The following PHACTR2 variants were observed in gnomAD, a reference collection of about 807,000 sequenced individuals.
PHACTR2 encodes the protein chromosome 6 open reading frame 56.
Under a neutral mutation model 76.0 loss-of-function variants are expected in PHACTR2, and 30 were observed. The ratio of observed to expected loss-of-function variants is 0.39; its 90% CI spans 0.30 to 0.54. The LOEUF is 0.54. PHACTR2 is among the 20% of genes least tolerant of loss of function. The pLI, the probability that PHACTR2 is intolerant of heterozygous loss-of-function variation, is 0.61. For missense variants in PHACTR2, 696 were observed against 781.1 expected (o/e 0.89, Z 1.30); for synonymous variants, 292 against 292.5 (o/e 1.00, Z 0.02).
intron 2 of PHACTR2, among the ~76,000 whole-genome samples, chr6:143,725,121 C>T (rs112029521): frequency 6.5e-4 from 97 of 149,936 alleles, no homozygotes; most frequent in African/African-American, 1.3e-3. Flanking sequence ...TTTTAATATA[C>T]GTATAGTTTT....
chr6:143,608,304 T>C lies in PHACTR2; in HGVS notation c.-6T>C. ...GCTACAGAACTCGCCTCGCCACTCCTGAGACATGGACAACGCCGGTGGGTA... is the reference window on the plus strand; with the variant it reads ...GCTACAGAACTCGCCTCGCCACTCCCGAGACATGGACAACGCCGGTGGGTA... On this transcript the variant is annotated 5_prime_UTR_variant, in exon 1 of 12. Coordinates refer to the PHACTR2 transcript ENST00000305766. The surrounding 1 kb of genome is among the most constrained non-coding windows in gnomAD (Gnocchi z 4.6). 1 of 1,614,150 alleles carries C rather than the reference T, an allele frequency of 6.2e-7. No individual in the cohort carries two copies. Among genetic ancestry groups the C allele is most frequent in the Non-Finnish European group, 8.5e-7 (1 of 1,179,996 alleles).
chr6:143,769,695 ATAAT>A (rs1775044507), intron 6 of PHACTR2, among the ~76,000 whole-genome samples: 1 of 152,310 alleles, frequency 6.6e-6, no homozygotes, highest in Non-Finnish European at 1.5e-5. Context: ...AATCAATATG[ATAAT>A]TAATTAGTGA....
At chr6:143,635,964 T>C (rs1421405683) in intron 1 of PHACTR2, among the ~76,000 whole-genome samples, 1 of 152,198 alleles carries the variant, frequency 6.6e-6, no homozygotes, top group Non-Finnish European at 1.5e-5. Flanking sequence ...TTCCAGCACT[T>C]TGAGAGGCCG....
In PHACTR2 at chr6:143,772,205, C is replaced by A; in HGVS notation, c.1233-53C>A. 1 of 1,340,150 alleles carries A rather than the reference C, an allele frequency of 7.5e-7. No homozygotes were observed. The highest frequency in any genetic ancestry group is 1.1e-6 in the Non-Finnish European group (1 of 931,602). The allele number at this position is 1,340,150 out of a possible 1,614,324, so 83.0% of individuals were successfully genotyped here. A position where few individuals can be genotyped will look rare whatever the true frequency, so the allele number is the denominator to read the frequency against. ...GCTCTTTTTCTTAGTGTCAGTGCCG[C>A]CAAGGGTTGCTCTGAGCTTCACATC... On this transcript the variant is annotated intron_variant, in intron 6 of 12. Coordinates refer to ENST00000440869, the MANE Select transcript of PHACTR2 (RefSeq NM_001100164.2). The surrounding 1 kb of genome is among the most constrained non-coding windows in gnomAD (Gnocchi z 5.4).
In PHACTR2 at chr6:143,648,246, G is replaced by A. The variant is rs947498408; in HGVS notation, c.13+39924G>A. On this transcript the variant is annotated intron_variant, in intron 1 of 11. Coordinates refer to the PHACTR2 transcript ENST00000305766. This position sits in a 1 kb window ranked among gnomAD's most constrained non-coding sequence, Gnocchi z 6.7. ...TGTCTACTGCAAATTGTCTGAGAAG[G>A]GCAGGGCCTAGGAAACATGGTGGAA... 6.6e-6 allele frequency among the ~76,000 whole-genome samples: 1 copy of A among 152,158 alleles called. No individual in the cohort carries two copies. Among genetic ancestry groups the A allele is most frequent in the Non-Finnish European group, 1.5e-5 (1 of 68,038 alleles).
intron 1 of PHACTR2, among the ~76,000 whole-genome samples, chr6:143,545,210 G>T (rs1044153721): frequency 6.6e-6 from 1 of 152,306 alleles, no homozygotes; most frequent in South Asian, 2.1e-4. Context: ...CTCCCAAAGT[G>T]CTGGGATTAC....
Position 143,780,102 on chromosome 6 carries a change from T to C in PHACTR2, c.1645+2719T>C, listed in dbSNP as rs956302982. Among the ~76,000 whole-genome samples the C allele has an allele frequency of 9.9e-5, 15 of 152,140 alleles. No homozygotes were observed. Among genetic ancestry groups the C allele is most frequent in the Admixed American group, 5.9e-4 (9 of 15,272 alleles). ...ATGTCTTCTATAGAGAAAAATGAAT[T>C]AGGCCATTGAGTTCTGCATATATTT... On this transcript the variant is annotated intron_variant, in intron 9 of 12. Coordinates refer to ENST00000440869, the MANE Select transcript of PHACTR2 (RefSeq NM_001100164.2). The surrounding 1 kb of genome is among the most constrained non-coding windows in gnomAD (Gnocchi z 4.4).
At chr6:143,792,516 A>G (rs1162843070) in intron 11 of PHACTR2, among the ~76,000 whole-genome samples, 3 of 152,096 alleles carry the variant, frequency 2.0e-5, no homozygotes, top group Non-Finnish European at 2.9e-5. Flanking sequence ...CCCAAAACTT[A>G]GTGATTGAAA....
chr6:143,783,978 G>C lies in PHACTR2; in HGVS notation c.1707+698G>C, dbSNP rs954964601. ...AAGACCAGCCTGGACAACATAGTGAGACCTTGTTTCAAAAAAAAAGAATTA... is the reference window on the plus strand; with the variant it reads ...AAGACCAGCCTGGACAACATAGTGACACCTTGTTTCAAAAAAAAAGAATTA... On this transcript the variant is annotated intron_variant, in intron 10 of 12. Coordinates refer to ENST00000440869, the MANE Select transcript of PHACTR2 (RefSeq NM_001100164.2). This position sits in a 1 kb window ranked among gnomAD's most constrained non-coding sequence, Gnocchi z 5.2. Among the ~76,000 whole-genome samples, 4 of 148,734 alleles carry C rather than the reference G, an allele frequency of 2.7e-5. No homozygotes were observed. Among genetic ancestry groups the C allele is most frequent in the Non-Finnish European group, 5.9e-5 (4 of 67,648 alleles).
rs1777603827 is a variant in PHACTR2 at position 143,689,962 on chromosome 6, G to C, written c.46+11753G>C. On this transcript the variant is annotated intron_variant, in intron 1 of 12. Coordinates refer to ENST00000440869, the MANE Select transcript of PHACTR2 (RefSeq NM_001100164.2). This position sits in a 1 kb window ranked among gnomAD's most constrained non-coding sequence, Gnocchi z 4.4. The stretch of plus-strand genomic sequence containing the variant: ...ATACACCCACCTCAGCTCCCAAAAT[G>C]CTGGGATTACCCGTGTGAGCCACTG... Among the ~76,000 whole-genome samples the C allele has an allele frequency of 6.6e-6, 1 of 152,160 alleles. No individual in the cohort carries two copies.
chr6:143,582,667 G>A (rs1775589558), intron 1 of PHACTR2, among the ~76,000 whole-genome samples: 1 of 152,036 alleles, frequency 6.6e-6, no homozygotes, highest in South Asian at 2.1e-4. Flanking sequence ...ATTCATATTT[G>A]TAAACAGTTT....
chr6:143,635,164 T>C (rs1776428270), intron 1 of PHACTR2, among the ~76,000 whole-genome samples: 1 of 152,236 alleles, frequency 6.6e-6, no homozygotes, highest in Non-Finnish European at 1.5e-5. Context: ...CCAAATTAGA[T>C]TATACATATT....
chr6:143,765,028 G>A lies in PHACTR2; in HGVS notation c.695-233G>A, dbSNP rs1020785969. On this transcript the variant is annotated intron_variant, in intron 5 of 12. Coordinates refer to ENST00000440869, the MANE Select transcript of PHACTR2 (RefSeq NM_001100164.2). This position sits in a 1 kb window ranked among gnomAD's most constrained non-coding sequence, Gnocchi z 4.1. ...AAGACTAAAGTGAGAGAAGACAGAG[G>A]ACTCTTGTTCCTCTGAGTTTTGCCG... Among the ~76,000 whole-genome samples the A allele has an allele frequency of 3.9e-5, 6 of 152,262 alleles. No homozygotes were observed. Among genetic ancestry groups the A allele is most frequent in the Middle Eastern group, 6.8e-3 (2 of 294 alleles).
intron 2 of PHACTR2, among the ~76,000 whole-genome samples, chr6:143,714,733 C>A (rs926163944): frequency 2.0e-5 from 3 of 152,162 alleles, no homozygotes; most frequent in Admixed American, 6.5e-5. Context: ...CCCTTCATTT[C>A]TTTTCTTCTC....
At chr6:143,615,018 A>G (rs1390882864) in intron 1 of PHACTR2, among the ~76,000 whole-genome samples, 1 of 152,224 alleles carries the variant, frequency 6.6e-6, no homozygotes, top group Non-Finnish European at 1.5e-5. Context: ...TATTTAGCTA[A>G]ATGTCAAATG....
chr6:143,562,991 G>C lies in PHACTR2; in HGVS notation c.217+25784G>C, dbSNP rs1171372794. Reference sequence around the variant, plus strand: ...GGGGCTGGAGGAAAGGGGAGAAAAGGAGTTATTGTTTAACAGGTTTGGAGT... The same window carrying C: ...GGGGCTGGAGGAAAGGGGAGAAAAGCAGTTATTGTTTAACAGGTTTGGAGT... On this transcript the variant is annotated intron_variant, in intron 1 of 11. Coordinates refer to the PHACTR2 transcript ENST00000367584. This position sits in a 1 kb window ranked among gnomAD's most constrained non-coding sequence, Gnocchi z 5.1. Among the ~76,000 whole-genome samples the C allele has an allele frequency of 1.3e-5, 2 of 152,160 alleles. No individual in the cohort carries two copies. Among genetic ancestry groups the C allele is most frequent in the Non-Finnish European group, 2.9e-5 (2 of 68,020 alleles).
At position 143,827,187 on chromosome 6, in the gene PHACTR2, T is replaced by TATATATAA; in HGVS notation, c.*3505_*3506insAATATATA. On this transcript the variant is annotated 3_prime_UTR_variant, in exon 13 of 13. Transcript: ENST00000440869. ...ATATATATATATATATATATATATA[T>TATATATAA]ATATATATATATGTATATTATATAT... The TATATATAA allele has an allele frequency of 7.5e-6, 1 of 133,456 alleles. No homozygotes were observed. Among genetic ancestry groups the TATATATAA allele is most frequent in the East Asian group, 2.2e-4 (1 of 4,476 alleles). 8.3% of individuals were successfully genotyped at this position (133,456 alleles called of 1,614,324 possible). A position where few individuals can be genotyped will look rare whatever the true frequency, so the allele number is the denominator to read the frequency against.
intron 1 of PHACTR2, chr6:143,555,236 G>GA (rs1266595795): frequency 6.6e-6 from 1 of 152,046 alleles, no homozygotes; most frequent in Non-Finnish European, 1.5e-5. Context: ...TTAACCTGGG[G>GA]AAAAATACAG....
rs71024875 is a variant in PHACTR2 at position 143,751,791 on chromosome 6, T to TACACACACACACACAC, written c.296-1944_296-1929dup. ...TCCTTTGCTCTGCTTGTATTTTACT[T>TACACACACACACACAC]ACACACACACACACACACACACACA... On this transcript the variant is annotated intron_variant, in intron 3 of 12. Transcript: ENST00000440869. The surrounding 1 kb of genome is among the most constrained non-coding windows in gnomAD (Gnocchi z 5.7). Among the ~76,000 whole-genome samples, 956 of 140,342 alleles carry TACACACACACACACAC rather than the reference T, an allele frequency of 6.8e-3. 7 individuals carry two copies. Among genetic ancestry groups the TACACACACACACACAC allele is most frequent in the Admixed American group, 9.3e-3 (128 of 13,712 alleles). 92.1% of individuals were successfully genotyped at this position (140,342 alleles called of 152,430 possible). A position where few individuals can be genotyped will look rare whatever the true frequency, so the allele number is the denominator to read the frequency against.
Sources: gnomAD v4.1 joint callset for allele counts (sites outside exome capture counted in the v4.1 genomes callset) on GRCh38, gnomAD v4.1.1 for gene constraint, Gnocchi (gnomAD v3.1) non-coding constraint, MANE v1.5 for transcripts, NCBI Gene and HGNC (gene_info 2026-07-23, HGNC 2026-07-21) for gene names.